Variants in HABP2 observed in about 807,000 individuals in gnomAD.
The protein encoded by HABP2 is factor VII-activating protease.
Under a neutral mutation model 66.5 loss-of-function variants are expected in HABP2, and 65 were observed. That is an observed-to-expected ratio of 0.98 (90% CI 0.80 to 1.20). The LOEUF (loss-of-function observed/expected upper bound fraction) is 1.20, where lower values mean the gene tolerates loss of function less well. Ranked by LOEUF, HABP2 falls within the 50% of genes most tolerant of loss-of-function variation. The pLI is 0.00. For synonymous variants in HABP2, 263 were observed against 253.9 expected, an observed-to-expected ratio of 1.04 and a Z score of -0.34; for missense variants, 786 against 691.0, an observed-to-expected ratio of 1.14 and a Z score of -1.54.
chr10:113,577,985 C>T (rs769362048), intron 5 of HABP2, 41 bp from the exon 6 acceptor site: 7 of 1,607,408 alleles, frequency 4.4e-6, no homozygotes, highest in South Asian at 2.2e-5. Flanking sequence ...GGCTGCAACT[C>T]CTTCTGAAGA....
intron 1 of HABP2, among the ~76,000 whole-genome samples, chr10:113,555,661 ATCATTCATTGTGCC>A (rs1211806052): frequency 2.0e-5 from 3 of 152,164 alleles, no homozygotes; most frequent in African/African-American, 4.8e-5. Context: ...ACTCCAGGGC[ATCATTCATTGTGCC>A]TTGCTGTTCT....
rs765092399 is a variant in HABP2, at chr10:113,581,899, C to T, written c.862C>T (p.Pro288Ser). The T allele has an allele frequency of 6.2e-7, 1 of 1,614,100 alleles. No homozygotes were observed. The change falls in exon 9 of 13, where the codon CCC becomes TCC. Residue 288 changes from proline (P) to serine (S), a missense_variant. By Grantham distance (74) the Pro-to-Ser change is moderately conservative (BLOSUM62 -1). Transcript: ENST00000351270. ...AGACGTTGCCTACCCAGAGGAAAGC[C>T]CCACTGAGCCATCAACCAAGCTTCC... ...AQDVAYPEESPTEPSTKLPGF... is the reference protein window; with the variant it reads ...AQDVAYPEESSTEPSTKLPGF...
intron 1 of HABP2, among the ~76,000 whole-genome samples, chr10:113,558,336 T>C (rs879704142): frequency 1.3e-5 from 2 of 152,250 alleles, no homozygotes; most frequent in Non-Finnish European, 2.9e-5. Context: ...TTTCTCTACC[T>C]AAATTGATTT....
intron 1 of HABP2, among the ~76,000 whole-genome samples, chr10:113,559,131 C>T (rs1049839585): frequency 7.2e-5 from 11 of 152,106 alleles, no homozygotes; most frequent in Non-Finnish European, 1.3e-4. Flanking sequence ...CTGGGATTAC[C>T]GGCGTGAGCC....
At chr10:113,566,467 T>C (rs1239057155) in intron 1 of HABP2, among the ~76,000 whole-genome samples, 1 of 152,278 alleles carries the variant, frequency 6.6e-6, no homozygotes, top group Non-Finnish European at 1.5e-5. Context: ...GAAATATTTA[T>C]GTCATTATTT....
chr10:113,582,164 C>A (rs1347630396), intron 9 of HABP2, 33 bp downstream of exon 9: 2 of 1,577,648 alleles, frequency 1.3e-6, no homozygotes, highest in African/African-American at 1.4e-5. Flanking sequence ...ACCAGGGTGG[C>A]TTGAGTGGCT....
chr10:113,561,874 C>T (rs1845105820), intron 1 of HABP2, among the ~76,000 whole-genome samples: 1 of 152,186 alleles, frequency 6.6e-6, no homozygotes, highest in African/African-American at 2.4e-5. Context: ...ACAAAATAGA[C>T]TTGATGTATG....
chr10:113,579,650 G>A (rs1401542570), intron 7 of HABP2, among the ~76,000 whole-genome samples: 2 of 152,114 alleles, frequency 1.3e-5, no homozygotes, highest in Non-Finnish European at 2.9e-5. Flanking sequence ...CACTCTGTTG[G>A]CTTCCTGCCA....
chr10:113,583,130 C>A, intron 9 of HABP2, 86 bp from the exon 10 acceptor site: 1 of 1,139,874 alleles, frequency 8.8e-7, no homozygotes, highest in Non-Finnish European at 1.3e-6. Flanking sequence ...AATGAGGAGG[C>A]TGAGTCTGCA....
intron 2 of HABP2, among the ~76,000 whole-genome samples, chr10:113,570,501 G>A (rs1483460620): frequency 6.6e-6 from 1 of 152,154 alleles, no homozygotes; most frequent in Non-Finnish European, 1.5e-5. Context: ...CTATAGCCTA[G>A]AGAAAGTCAC....
intron 1 of HABP2, among the ~76,000 whole-genome samples, chr10:113,553,831 G>A (rs528024553): frequency 5.3e-5 from 8 of 152,274 alleles, no homozygotes; most frequent in African/African-American, 1.7e-4. Flanking sequence ...TTGAACGGGG[G>A]ACTCAGGACC....
intron 1 of HABP2, among the ~76,000 whole-genome samples, chr10:113,555,426 A>G (rs1449626709): frequency 1.3e-5 from 2 of 151,940 alleles, no homozygotes; most frequent in East Asian, 1.9e-4. Context: ...GACCAGGCAC[A>G]TGTTTGCTGG....
chr10:113,588,054 G>C, intron 12 of HABP2, 151 bp from the exon 13 acceptor site: 1 of 570,274 alleles, frequency 1.8e-6, no homozygotes, highest in Non-Finnish European at 3.1e-6. Flanking sequence ...GTGAGATGTG[G>C]GGAGAGCCTT....
Position 113,583,253 on chromosome 10 carries a change from C to G in HABP2, c.1132C>G (p.Gln378Glu), listed in dbSNP as rs768053494. The stretch of plus-strand genomic sequence containing the variant: ...ACATCTAAAGGTGGTGCTAGGGGAC[C>G]AGGACCTGAAGAAAGAAGAATTTCA... ...TRHLKVVLGD[Q>E]DLKKEEFHEQ... Residue 378 changes from glutamine to glutamate, a missense_variant, in exon 10 of 13, where the codon CAG becomes GAG. Physicochemically the swap from Gln to Glu is conservative, Grantham distance 29. Coordinates refer to ENST00000351270, the MANE Select transcript of HABP2 (RefSeq NM_004132.5). 3 of 1,613,006 alleles carry G rather than the reference C, an allele frequency of 1.9e-6. No individual in the cohort carries two copies. Among genetic ancestry groups the G allele is most frequent in the East Asian group, 4.5e-5 (2 of 44,892 alleles).
chr10:113,550,923 T>TC (rs1351163762), upstream of HABP2: 1 of 152,390 alleles, frequency 6.6e-6, no homozygotes, highest in African/African-American at 2.4e-5. Context: ...GCCTCCTTCA[T>TC]CCCCACATCA....
In HABP2 at chr10:113,588,293, G is replaced by C. The variant is rs545620831; in HGVS notation, c.1607G>C (p.Arg536Thr). 5.6e-6 allele frequency: 9 copies of C among 1,613,654 alleles called. No individual in the cohort carries two copies. In the South Asian group the frequency reaches 9.9e-5, roughly 18 times the overall value. ...AGCTGGGGCCTGGAGTGTGGGAAGA[G>C]GCCAGGGGTCTACACCCAAGTTACC... The part of the protein sequence containing the change: ...IVSWGLECGK[R>T]PGVYTQVTKF... The change falls in exon 13 of 13, where the codon AGG (arginine) becomes ACG (threonine). Residue 536 changes from arginine to threonine, a missense_variant. Physicochemically the swap from Arg to Thr is moderately conservative, Grantham distance 71 (BLOSUM62 -1). Transcript: ENST00000351270.
At chr10:113,568,807 T>C (rs1221772962) in intron 2 of HABP2, among the ~76,000 whole-genome samples, 1 of 151,990 alleles carries the variant, frequency 6.6e-6, no homozygotes, top group Non-Finnish European at 1.5e-5. Flanking sequence ...CTGTGGGAGC[T>C]ATGGGGTGAC....
chr10:113,553,723 T>C (rs544709487), intron 1 of HABP2, among the ~76,000 whole-genome samples: 5 of 152,312 alleles, frequency 3.3e-5, no homozygotes, highest in Non-Finnish European at 5.9e-5. Flanking sequence ...GTACTTTGTC[T>C]CCTTTTCCCT....
Position 113,583,246 on chromosome 10 carries a change from A to G in HABP2, c.1125A>G (p.Leu375=). The G allele has an allele frequency of 6.2e-7, 1 of 1,613,482 alleles. No homozygotes were observed. The highest frequency in any genetic ancestry group is 8.5e-7 in the Non-Finnish European group (1 of 1,179,376). Residue 375 remains leucine (L), a synonymous_variant, in exon 10 of 13, where the codon CTA becomes CTG. Transcript: ENST00000351270. Reference sequence around the variant, plus strand: ...AAACCAGACATCTAAAGGTGGTGCTAGGGGACCAGGACCTGAAGAAAGAAG... The same window carrying G: ...AAACCAGACATCTAAAGGTGGTGCTGGGGGACCAGGACCTGAAGAAAGAAG... ...DIKTRHLKVV[L]GDQDLKKEEF... is the part of the protein sequence containing the mutation.
Sources: gnomAD v4.1 joint callset for allele counts (sites outside exome capture counted in the v4.1 genomes callset) on GRCh38, gnomAD v4.1.1 for gene constraint, MANE v1.5 for transcripts, NCBI Gene and HGNC (gene_info 2026-07-23, HGNC 2026-07-21) for gene names.